Variants in BACH2 observed in about 807,000 individuals in gnomAD.
BACH2 encodes transcription regulator protein BACH2.
A neutral mutation model predicts 61.8 loss-of-function variants in BACH2; 5 were observed. The ratio of observed to expected loss-of-function variants is 0.08; its 90% CI spans 0.04 to 0.17. The LOEUF (loss-of-function observed/expected upper bound fraction) is 0.17. BACH2 is among the 10% of genes least tolerant of loss of function. The pLI is 1.00. For missense variants in BACH2, 824 were observed against 1,091.1 expected (o/e 0.76, Z 3.45); for synonymous variants, 446 against 440.1 (o/e 1.01, Z -0.17).
intron 4 of BACH2, among the ~76,000 whole-genome samples, chr6:90,118,682 G>A (rs951309439): frequency 1.3e-5 from 2 of 152,054 alleles, no homozygotes; most frequent in South Asian, 2.1e-4. Context: ...ACCAAGATGC[G>A]CTCTTAAGAA....
intron 3 of BACH2, among the ~76,000 whole-genome samples, chr6:90,235,141 A>C (rs997900569): frequency 9.2e-5 from 14 of 152,350 alleles, no homozygotes; most frequent in Middle Eastern, 3.4e-3. Context: ...TTTAACACCT[A>C]ATTTGCAGAA....
chr6:90,159,339 C>A (rs1177949367), intron 4 of BACH2, among the ~76,000 whole-genome samples: 1 of 152,072 alleles, frequency 6.6e-6, no homozygotes. Flanking sequence ...GATTTTAAGA[C>A]AACTGAATAT....
chr6:90,224,810 A>C (rs1214016577), intron 3 of BACH2, among the ~76,000 whole-genome samples: 1 of 152,176 alleles, frequency 6.6e-6, no homozygotes, highest in African/African-American at 2.4e-5. Flanking sequence ...TGCACCTGCT[A>C]TTTTAAGGCT....
intron 5 of BACH2, chr6:90,063,006 G>GA (rs1311759540): frequency 1.9e-5 from 16 of 840,374 alleles, no homozygotes; most frequent in Non-Finnish European, 2.3e-5. Flanking sequence ...GATGTATAGG[G>GA]AAAAGAGTTT....
At chr6:90,093,424 G>T (rs547211636) in intron 4 of BACH2, among the ~76,000 whole-genome samples, 1 of 152,216 alleles carries the variant, frequency 6.6e-6, no homozygotes, top group Non-Finnish European at 1.5e-5. Flanking sequence ...TACTAACACT[G>T]TTTAACACAA....
chr6:90,284,007 AAAAT>A lies in BACH2; in HGVS notation c.-445-12070_-445-12067del, dbSNP rs546804893. On this transcript the variant is annotated intron_variant, in intron 1 of 8. Coordinates refer to ENST00000257749, the MANE Select transcript of BACH2 (RefSeq NM_021813.4). Reference sequence around the variant, plus strand: ...GGGTGACAGGACAAGACTCCATCTCAAAATAAATAAATAAATAAATAAATAAATA... The same window carrying A: ...GGGTGACAGGACAAGACTCCATCTCAAAATAAATAAATAAATAAATAAATA... 5.5e-3 allele frequency among the ~76,000 whole-genome samples: 831 copies of A among 151,466 alleles called. 6 individuals carry two copies. The highest frequency in any genetic ancestry group is 0.019 in the African/African-American group (765 of 41,314).
At chr6:90,160,760 G>A (rs971240579) in intron 4 of BACH2, among the ~76,000 whole-genome samples, 1 of 152,172 alleles carries the variant, frequency 6.6e-6, no homozygotes, top group Non-Finnish European at 1.5e-5. Context: ...CGACATCTAA[G>A]TTGGAGTCTT....
chr6:90,186,976 C>T (rs1293481662), intron 4 of BACH2, among the ~76,000 whole-genome samples: 1 of 152,138 alleles, frequency 6.6e-6, no homozygotes, highest in Admixed American at 6.5e-5. Context: ...AAATCAAAAG[C>T]AATGAATAAT....
At position 90,296,517 on chromosome 6, in the gene BACH2, T is replaced by A. The variant is rs2127898192; in HGVS notation, c.-483A>T. 1 of 151,412 alleles carries A rather than the reference T, an allele frequency of 6.6e-6. No homozygotes were observed. Among genetic ancestry groups the A allele is most frequent in the East Asian group, 2.0e-4 (1 of 5,110 alleles). 9.4% of individuals were successfully genotyped at this position (151,412 alleles called of 1,614,324 possible). A position where few individuals can be genotyped will look rare whatever the true frequency, so the allele number is the denominator to read the frequency against. On this transcript the variant is annotated 5_prime_UTR_variant, in exon 1 of 9. Coordinates refer to ENST00000257749, the MANE Select transcript of BACH2 (RefSeq NM_021813.4). The stretch of plus-strand genomic sequence containing the variant: ...CTTTGCGTCCTTTTCCGCCTCCTCT[T>A]CCCCGCGTCTTCCCGGCTCGCAGCC...
intron 1 of BACH2, among the ~76,000 whole-genome samples, chr6:90,276,383 C>T (rs1214182513): frequency 6.6e-6 from 1 of 152,178 alleles, no homozygotes; most frequent in Non-Finnish European, 1.5e-5. Flanking sequence ...AGATCAACAA[C>T]ACCTATAAGT....
At chr6:90,135,251 TTCA>T (rs1470728974) in intron 4 of BACH2, among the ~76,000 whole-genome samples, 1 of 152,196 alleles carries the variant, frequency 6.6e-6, no homozygotes, top group Non-Finnish European at 1.5e-5. Context: ...TATCTCTAGC[TTCA>T]TCATAACATG....
intron 6 of BACH2, among the ~76,000 whole-genome samples, chr6:89,999,862 T>C (rs756054246): frequency 2.6e-5 from 4 of 152,342 alleles, no homozygotes; most frequent in Non-Finnish European, 5.9e-5. Context: ...ATGTTGATTA[T>C]TGTGGTCATC....
intron 7 of BACH2, among the ~76,000 whole-genome samples, chr6:89,941,900 C>T (rs1166454256): frequency 6.6e-6 from 1 of 152,128 alleles, no homozygotes; most frequent in Non-Finnish European, 1.5e-5. Flanking sequence ...ATATAAAACA[C>T]TAGGGGAATA....
intron 4 of BACH2, among the ~76,000 whole-genome samples, chr6:90,135,724 A>C (rs1168901852): frequency 6.6e-6 from 1 of 152,114 alleles, no homozygotes; most frequent in Non-Finnish European, 1.5e-5. Flanking sequence ...ATAAGAGCAG[A>C]CCCTACTATG....
At chr6:90,230,945 T>C (rs1194199517) in intron 3 of BACH2, among the ~76,000 whole-genome samples, 4 of 152,270 alleles carry the variant, frequency 2.6e-5, no homozygotes, top group African/African-American at 7.2e-5. Flanking sequence ...TGCATTATCA[T>C]GTGGAAGATG....
At chr6:90,193,021 A>T (rs1220851557) in intron 4 of BACH2, among the ~76,000 whole-genome samples, 1 of 152,212 alleles carries the variant, frequency 6.6e-6, no homozygotes, top group African/African-American at 2.4e-5. Context: ...TAGCACAATC[A>T]CTATTCAGCA....
chr6:90,036,435 G>A lies in BACH2; in HGVS notation c.-12-27579C>T, dbSNP rs564357864. ...TGGACTTTGGTCCCACATTTGCAAG[G>A]TCCTGTATCATTTTGTACTTTGAAT... is the stretch of plus-strand genomic sequence containing the variant. On this transcript the variant is annotated intron_variant, in intron 5 of 8. Transcript: ENST00000257749. Among the ~76,000 whole-genome samples, 27 of 152,172 alleles carry A rather than the reference G, an allele frequency of 1.8e-4. 1 individual carries two copies. In the South Asian group the frequency reaches 5.6e-3, roughly 32 times the overall value.
chr6:90,012,352 G>A (rs891374306), intron 5 of BACH2, among the ~76,000 whole-genome samples: 2 of 151,936 alleles, frequency 1.3e-5, no homozygotes, highest in Admixed American at 6.6e-5. Flanking sequence ...CTCAGCAGCC[G>A]GGCATGGTGG....
chr6:90,253,987 TCTTA>T (rs957050178), intron 2 of BACH2, among the ~76,000 whole-genome samples: 1 of 152,194 alleles, frequency 6.6e-6, no homozygotes, highest in Non-Finnish European at 1.5e-5. Flanking sequence ...TGTATCTTTG[TCTTA>T]CTGTTTAGTA....
Sources: allele counts gnomAD v4.1 joint callset (sites outside exome capture counted in the v4.1 genomes callset), GRCh38; gene constraint gnomAD v4.1.1; transcripts MANE v1.5; gene names NCBI Gene and HGNC (gene_info 2026-07-23, HGNC 2026-07-21).